Variants in RWDD4 observed in about 807,000 individuals in gnomAD.
RWDD4 encodes RWD domain-containing protein 4.
Under a neutral mutation model 30.0 loss-of-function variants are expected in RWDD4, and 16 were observed. The observed-to-expected ratio is 0.53, with a 90% CI of 0.36 to 0.81. The LOEUF is 0.81. Ranked by LOEUF, RWDD4 falls within the 30% of genes least tolerant of loss-of-function variation. RWDD4 has a pLI of 0.00. For missense variants in RWDD4, 170 were observed against 223.9 expected, an observed-to-expected ratio of 0.76 and a Z score of 1.54; for synonymous variants, 45 against 72.1, an observed-to-expected ratio of 0.62 and a Z score of 1.90.
intron 4 of RWDD4, 41 bp from the exon 5 acceptor site, chr4:183,649,609 A>C (rs1192917752): frequency 9.0e-7 from 1 of 1,108,172 alleles, no homozygotes; most frequent in Admixed American, 2.0e-5. Context: ...CATACCTTAC[A>C]ACTTGTGTTA....
chr4:183,641,355 T>G lies in RWDD4; in HGVS notation c.*81A>C. 8.5e-7 allele frequency: 1 copy of G among 1,173,160 alleles called. No individual in the cohort carries two copies. The highest frequency in any genetic ancestry group is 1.3e-5 in the South Asian group (1 of 75,580). 72.7% of individuals were successfully genotyped at this position (1,173,160 alleles called of 1,614,324 possible). On this transcript the variant is annotated 3_prime_UTR_variant, in exon 8 of 8. Coordinates refer to ENST00000326397, the MANE Select transcript of RWDD4 (RefSeq NM_152682.4). ...TGTGTTTTATAAAAAGTCGCCTCAA[T>G]ACCAGAAAATAGTAATGAAAGATTT...
At chr4:183,646,413 C>G in intron 6 of RWDD4, 60 bp from the exon 7 acceptor site, 1 of 1,588,286 alleles carries the variant, frequency 6.3e-7, no homozygotes. Flanking sequence ...AAGGGGAAAA[C>G]AAAAAATAAG....
intron 4 of RWDD4, 39 bp downstream of exon 4, chr4:183,650,945 C>A: frequency 6.3e-7 from 1 of 1,587,584 alleles, no homozygotes; most frequent in Middle Eastern, 2.3e-4. Flanking sequence ...AAAACCAAAA[C>A]AACAAAAGAA....
intron 7 of RWDD4, among the ~76,000 whole-genome samples, chr4:183,645,599 C>CAAA (rs11310523): frequency 9.0e-6 from 1 of 111,516 alleles, no homozygotes. Flanking sequence ...TCTGTCTCTG[C>CAAA]AAAAAAAAAA....
intron 7 of RWDD4, among the ~76,000 whole-genome samples, chr4:183,645,792 G>C (rs1377417132): frequency 6.6e-6 from 1 of 152,068 alleles, no homozygotes; most frequent in African/African-American, 2.4e-5. Flanking sequence ...AAACTTAAAA[G>C]TAATTTCTAC....
At chr4:183,644,989 AC>A (rs981424905) in intron 7 of RWDD4, among the ~76,000 whole-genome samples, 1 of 152,068 alleles carries the variant, frequency 6.6e-6, no homozygotes, top group African/African-American at 2.4e-5. Context: ...GGCCCCTGCT[AC>A]CTGGGATGCT....
intron 2 of RWDD4, among the ~76,000 whole-genome samples, chr4:183,654,728 A>T (rs1734149630): frequency 6.6e-6 from 1 of 152,182 alleles, no homozygotes; most frequent in Non-Finnish European, 1.5e-5. Context: ...TTAACTTTGG[A>T]CATTTGAGGT....
intron 3 of RWDD4, 41 bp downstream of exon 3, chr4:183,651,177 G>A (rs377203440): frequency 6.2e-7 from 1 of 1,603,374 alleles, no homozygotes; most frequent in East Asian, 2.2e-5. Context: ...AAGTATAACA[G>A]AGAGTGAAAT....
chr4:183,648,507 A>G (rs1157853678), intron 5 of RWDD4, among the ~76,000 whole-genome samples: 5 of 152,194 alleles, frequency 3.3e-5, no homozygotes, highest in Non-Finnish European at 5.9e-5. Flanking sequence ...TCTTCTTCTA[A>G]AGAACTCTTG....
chr4:183,655,335 G>A (rs887700509), intron 2 of RWDD4, among the ~76,000 whole-genome samples: 3 of 151,394 alleles, frequency 2.0e-5, no homozygotes, highest in Admixed American at 6.6e-5. Flanking sequence ...TCGCTCTGTC[G>A]CAGTGGCTTG....
rs1240341151 is a variant in RWDD4, at chr4:183,639,807, C to A, written c.*1629G>T. ...TAAGAGGTACCACCATCACCAGAACCCCTACAAATTTTTACATTTCATATA... is the reference window on the plus strand; with the variant it reads ...TAAGAGGTACCACCATCACCAGAACACCTACAAATTTTTACATTTCATATA... On this transcript the variant is annotated 3_prime_UTR_variant, in exon 8 of 8. Coordinates refer to ENST00000326397, the MANE Select transcript of RWDD4 (RefSeq NM_152682.4). The A allele has an allele frequency of 1.3e-5, 2 of 152,510 alleles. No homozygotes were observed. Among genetic ancestry groups the A allele is most frequent in the Non-Finnish European group, 2.9e-5 (2 of 68,030 alleles). 9.4% of individuals were successfully genotyped at this position (152,510 alleles called of 1,614,324 possible).
In RWDD4 at chr4:183,658,849, T is replaced by TC. The variant is rs1309256530; in HGVS notation, c.24+79dup. 9 of 1,159,202 alleles carry TC rather than the reference T, an allele frequency of 7.8e-6. No homozygotes were observed. In the Middle Eastern group the frequency reaches 9.8e-4, roughly 126 times the overall value. The allele number at this position is 1,159,202 out of a possible 1,614,324, so 71.8% of individuals were successfully genotyped here. ...CACAGGGCACGTGCCGGGCAGGCTG[T>TC]CCGGGCACCAGGTCTCACGGGGGCC... On this transcript the variant is annotated intron_variant, in intron 1 of 7. Transcript: ENST00000326397.
At chr4:183,656,074 T>C (rs916286105) in intron 1 of RWDD4, 113 bp from the exon 2 acceptor site, 4 of 692,756 alleles carry the variant, frequency 5.8e-6, no homozygotes, top group Middle Eastern at 2.6e-4. Context: ...GACTAACTTA[T>C]ATAACCTTAG....
intron 4 of RWDD4, among the ~76,000 whole-genome samples, 199 bp from the exon 5 acceptor site, chr4:183,649,767 G>A (rs767851072): frequency 1.3e-5 from 2 of 152,196 alleles, no homozygotes; most frequent in African/African-American, 2.4e-5. Flanking sequence ...ATCAAAGGAC[G>A]TAATATTAGT....
intron 2 of RWDD4, among the ~76,000 whole-genome samples, chr4:183,651,863 G>A (rs1221399394): frequency 1.3e-5 from 2 of 152,118 alleles, no homozygotes; most frequent in African/African-American, 2.4e-5. Context: ...GAATAAAGAC[G>A]CCCTTGTTTC....
chr4:183,658,638 A>T (rs1268398428), intron 1 of RWDD4, among the ~76,000 whole-genome samples: 3 of 152,362 alleles, frequency 2.0e-5, no homozygotes, highest in East Asian at 3.9e-4. Context: ...GGATTCAAGG[A>T]GAGCCAAGAG....
rs547201356 is a variant in RWDD4, at chr4:183,658,195, A to G, written c.24+734T>C. Among the ~76,000 whole-genome samples, 33 of 152,266 alleles carry G rather than the reference A, an allele frequency of 2.2e-4. 1 individual carries two copies. In the South Asian group the frequency reaches 6.6e-3, roughly 31 times the overall value. Reference sequence around the variant, plus strand: ...GTAAGTTTCAAGCATTATACTTTAAATTAACAGTGAACTTATCTACCACCC... The same window carrying G: ...GTAAGTTTCAAGCATTATACTTTAAGTTAACAGTGAACTTATCTACCACCC... On this transcript the variant is annotated intron_variant, in intron 1 of 7. Coordinates refer to ENST00000326397, the MANE Select transcript of RWDD4 (RefSeq NM_152682.4).
At chr4:183,646,256 C>G in intron 7 of RWDD4, 95 bp downstream of exon 7, 1 of 729,860 alleles carries the variant, frequency 1.4e-6, no homozygotes. Flanking sequence ...GTAGTTTTAA[C>G]TTCTGCAAAT....
chr4:183,641,528 T>G, intron 7 of RWDD4, 60 bp from the exon 8 acceptor site: 1 of 1,327,570 alleles, frequency 7.5e-7, no homozygotes, highest in Non-Finnish European at 1.1e-6. Flanking sequence ...ACTATTTCCA[T>G]GGAGTATCAA....
Sources: gnomAD v4.1 joint callset for allele counts (sites outside exome capture counted in the v4.1 genomes callset) on GRCh38, gnomAD v4.1.1 for gene constraint, MANE v1.5 for transcripts, NCBI Gene and HGNC (gene_info 2026-07-23, HGNC 2026-07-21) for gene names.